Variants in LRRC4C observed in about 807,000 individuals in gnomAD.
LRRC4C encodes leucine rich repeat containing 4C, also known as leucine-rich repeat-containing protein 4C.
A neutral mutation model predicts 33.6 loss-of-function variants in LRRC4C; 5 were observed. That is an observed-to-expected ratio of 0.15 (90% CI 0.08 to 0.31). The LOEUF is 0.31. Ranked by LOEUF, LRRC4C falls within the 10% of genes least tolerant of loss-of-function variation. The pLI is 1.00. For synonymous variants in LRRC4C, 329 were observed against 302.0 expected, an observed-to-expected ratio of 1.09 and a Z score of -0.93; for missense variants, 560 against 796.7, an observed-to-expected ratio of 0.70 and a Z score of 3.58.
intron 3 of LRRC4C, among the ~76,000 whole-genome samples, chr11:40,363,034 C>T (rs2137185520): frequency 6.6e-6 from 1 of 152,192 alleles, no homozygotes; most frequent in East Asian, 1.9e-4. Context: ...AGTACCATTC[C>T]ACTGAGGAAT....
intron 4 of LRRC4C, among the ~76,000 whole-genome samples, chr11:40,250,275 A>G (rs1227870909): frequency 3.3e-5 from 5 of 151,942 alleles, no homozygotes; most frequent in African/African-American, 1.2e-4. Context: ...GTAACTATGC[A>G]TTAAGCTTTA....
chr11:41,091,009 G>T (rs1450382464), intron 1 of LRRC4C, among the ~76,000 whole-genome samples: 1 of 152,000 alleles, frequency 6.6e-6, no homozygotes, highest in Non-Finnish European at 1.5e-5. Flanking sequence ...TGCAGCACAA[G>T]AAAGAAAAAA....
At chr11:40,225,808 A>G (rs1464904216) in intron 5 of LRRC4C, among the ~76,000 whole-genome samples, 1 of 152,060 alleles carries the variant, frequency 6.6e-6, no homozygotes, top group Non-Finnish European at 1.5e-5. Flanking sequence ...TAGTAGAGAC[A>G]GGGTTTCACC....
chr11:40,753,001 A>T (rs1948770705), intron 2 of LRRC4C, among the ~76,000 whole-genome samples: 1 of 152,162 alleles, frequency 6.6e-6, no homozygotes. Context: ...TCATTATGCT[A>T]AGTCAAATAA....
At chr11:41,230,827 G>A (rs931602675) in intron 1 of LRRC4C, among the ~76,000 whole-genome samples, 1 of 142,758 alleles carries the variant, frequency 7.0e-6, no homozygotes, top group Admixed American at 7.4e-5. Flanking sequence ...GCAACCTACA[G>A]AATGGGAGAA....
intron 5 of LRRC4C, among the ~76,000 whole-genome samples, chr11:40,200,146 T>C (rs182755300): frequency 3.1e-4 from 37 of 118,006 alleles, no homozygotes; most frequent in African/African-American, 1.1e-3. Context: ...AGTTCAAGAC[T>C]TGCCTGGCCA....
At chr11:41,443,434 G>A (rs1268192333) in intron 1 of LRRC4C, among the ~76,000 whole-genome samples, 1 of 152,024 alleles carries the variant, frequency 6.6e-6, no homozygotes, top group Non-Finnish European at 1.5e-5. Context: ...CCTTGAGCCT[G>A]GGAAGTTGTG....
intron 4 of LRRC4C, among the ~76,000 whole-genome samples, chr11:40,300,446 C>G (rs1021144588): frequency 6.6e-6 from 1 of 152,176 alleles, no homozygotes; most frequent in Non-Finnish European, 1.5e-5. Context: ...CAAAGATTAA[C>G]AGAGTTAAAG....
chr11:40,918,441 T>C (rs1199075135), intron 2 of LRRC4C, among the ~76,000 whole-genome samples: 4 of 151,916 alleles, frequency 2.6e-5, no homozygotes, highest in African/African-American at 9.7e-5. Context: ...CTTGACCTAT[T>C]TCCTATTTGG....
chr11:41,448,304 CTT>C (rs35728528), intron 1 of LRRC4C, among the ~76,000 whole-genome samples: 468 of 104,864 alleles, frequency 4.5e-3, no homozygotes, highest in African/African-American at 0.013. Flanking sequence ...TTACATAGAG[CTT>C]TTTTTTTTTT....
In LRRC4C at chr11:40,983,730, G is replaced by A. The variant is rs558342144; in HGVS notation, c.-495-50007C>T. 2.6e-5 allele frequency among the ~76,000 whole-genome samples: 4 copies of A among 152,102 alleles called. No individual in the cohort carries two copies. In the South Asian group the frequency reaches 8.3e-4, roughly 32 times the overall value. On this transcript the variant is annotated intron_variant, in intron 1 of 6. Coordinates refer to ENST00000528697, the MANE Select transcript of LRRC4C (RefSeq NM_001258419.2). The stretch of plus-strand genomic sequence containing the variant: ...AGGAAGACATATATGTGGCTAATAA[G>A]TGTATGAAAAAAAGCCCAACATCCC...
intron 1 of LRRC4C, among the ~76,000 whole-genome samples, chr11:41,392,686 T>C (rs1410504774): frequency 6.6e-6 from 1 of 151,824 alleles, no homozygotes; most frequent in Non-Finnish European, 1.5e-5. Flanking sequence ...ATTAAATGAC[T>C]GATATCCTTA....
chr11:40,873,275 A>G (rs866673001), intron 2 of LRRC4C, among the ~76,000 whole-genome samples: 1 of 152,184 alleles, frequency 6.6e-6, no homozygotes, highest in Non-Finnish European at 1.5e-5. Context: ...AATGCATGCA[A>G]CCTGCTGCTG....
chr11:41,332,753 G>T (rs1012258531), intron 1 of LRRC4C, among the ~76,000 whole-genome samples: 1 of 152,140 alleles, frequency 6.6e-6, no homozygotes, highest in Non-Finnish European at 1.5e-5. Flanking sequence ...CTTCGGTTCA[G>T]CATTCTATTA....
chr11:40,586,814 G>C (rs1958774089), intron 3 of LRRC4C, among the ~76,000 whole-genome samples: 3 of 152,036 alleles, frequency 2.0e-5, no homozygotes, highest in Admixed American at 2.0e-4. Flanking sequence ...TGAGGGCTCT[G>C]TTCTGTTCCA....
intron 3 of LRRC4C, among the ~76,000 whole-genome samples, chr11:40,386,053 A>G: frequency 7.0e-6 from 1 of 143,378 alleles, no homozygotes; most frequent in East Asian, 2.1e-4. Flanking sequence ...ATAAAAGTTG[A>G]AAATAAAATA....
In LRRC4C at chr11:40,748,080, C is replaced by T. The variant is rs184488163; in HGVS notation, c.-406-99802G>A. On this transcript the variant is annotated intron_variant, in intron 2 of 6. Coordinates refer to ENST00000528697, the MANE Select transcript of LRRC4C (RefSeq NM_001258419.2). Reference sequence around the variant, plus strand: ...CTGTGATCCCTAAACAAATAAAATGCAAAAGGTCTTCTTTACCATATAATA... The same window carrying T: ...CTGTGATCCCTAAACAAATAAAATGTAAAAGGTCTTCTTTACCATATAATA... Among the ~76,000 whole-genome samples, 3 of 152,168 alleles carry T rather than the reference C, an allele frequency of 2.0e-5. No individual in the cohort carries two copies. The East Asian group carries it at 5.8e-4, about 29-fold the overall frequency.
At chr11:41,041,422 C>T (rs1857426815) in intron 1 of LRRC4C, among the ~76,000 whole-genome samples, 1 of 152,130 alleles carries the variant, frequency 6.6e-6, no homozygotes, top group African/African-American at 2.4e-5. Context: ...TACATACAGG[C>T]ATTCAGAGAG....
intron 1 of LRRC4C, among the ~76,000 whole-genome samples, chr11:41,009,552 A>G (rs781635075): frequency 1.1e-4 from 16 of 152,084 alleles, no homozygotes; most frequent in Non-Finnish European, 2.4e-4. Context: ...TCTCATGTAT[A>G]AATTGACAAA....
Sources: allele counts gnomAD v4.1 joint callset (sites outside exome capture counted in the v4.1 genomes callset), GRCh38; gene constraint gnomAD v4.1.1; transcripts MANE v1.5; gene names NCBI Gene and HGNC (gene_info 2026-07-23, HGNC 2026-07-21).